The following DZIP1 variants were observed in gnomAD, a reference collection of about 807,000 sequenced individuals.
The protein encoded by DZIP1 is cilium assembly protein DZIP1.
DZIP1 carries 97 observed loss-of-function variants against 107.6 expected under a neutral mutation model. That is an observed-to-expected ratio of 0.90 (90% CI 0.77 to 1.07). The LOEUF (loss-of-function observed/expected upper bound fraction) is 1.07, where lower values mean the gene tolerates loss of function less well. Ranked by LOEUF, DZIP1 falls within the 50% of genes least tolerant of loss-of-function variation. The pLI is 0.00. For missense variants in DZIP1, 1,035 were observed against 1,063.6 expected (o/e 0.97, Z 0.37); for synonymous variants, 390 against 386.4 (o/e 1.01, Z -0.11).
chr13:95,609,831 G>A (rs980747707), intron 12 of DZIP1, among the ~76,000 whole-genome samples: 1 of 152,086 alleles, frequency 6.6e-6, no homozygotes, highest in African/African-American at 2.4e-5. Flanking sequence ...CAAAACAAGA[G>A]GGAGGAAACC....
chr13:95,589,943 G>A lies in DZIP1; in HGVS notation c.1844-11C>T. ...AAACACTGCACTGATCTGGAATATA[G>A]TGTCATTCATGAGTCTCCATTACCT... On this transcript the variant is annotated splice_polypyrimidine_tract_variant and intron_variant, in intron 17 of 22. Transcript: ENST00000376829. 1 of 1,612,102 alleles carries A rather than the reference G, an allele frequency of 6.2e-7. No homozygotes were observed. The highest frequency in any genetic ancestry group is 8.5e-7 in the Non-Finnish European group (1 of 1,179,402).
intron 6 of DZIP1, among the ~76,000 whole-genome samples, chr13:95,631,767 T>C (rs545118244): frequency 6.6e-6 from 1 of 152,298 alleles, no homozygotes; most frequent in African/African-American, 2.4e-5. Context: ...TGAAGCCTCA[T>C]GTCTCTGCTT....
intron 16 of DZIP1, among the ~76,000 whole-genome samples, chr13:95,591,758 C>T (rs143881743): frequency 1.3e-5 from 2 of 152,298 alleles, no homozygotes; most frequent in East Asian, 1.9e-4. Context: ...TAATACTGTA[C>T]AAATGTCAAT....
intron 10 of DZIP1, among the ~76,000 whole-genome samples, chr13:95,616,718 G>A (rs1295851561): frequency 6.6e-6 from 1 of 152,146 alleles, no homozygotes; most frequent in African/African-American, 2.4e-5. Context: ...CCTCAAGGTT[G>A]TACCCCTGGT....
intron 5 of DZIP1, among the ~76,000 whole-genome samples, chr13:95,636,133 A>G (rs1288773294): frequency 1.3e-5 from 2 of 151,870 alleles, no homozygotes; most frequent in African/African-American, 4.8e-5. Context: ...AGTAGCATAC[A>G]TTCTATAAAA....
Position 95,612,017 on chromosome 13 carries a change from C to T in DZIP1, c.1314+20G>A. The T allele has an allele frequency of 6.2e-7, 1 of 1,610,998 alleles. No individual in the cohort carries two copies. Among genetic ancestry groups the T allele is most frequent in the Non-Finnish European group, 8.5e-7 (1 of 1,179,332 alleles). On this transcript the variant is annotated intron_variant, in intron 11 of 22. Coordinates refer to ENST00000376829, the MANE Select transcript of DZIP1 (RefSeq NM_198968.4). Reference sequence around the variant, plus strand: ...TGCGTTGCTTAAAGAAGCACGGTGCCACACTGCCGCCAGACATACCTGCTG... The same window carrying T: ...TGCGTTGCTTAAAGAAGCACGGTGCTACACTGCCGCCAGACATACCTGCTG...
rs771477182 is a variant in DZIP1, at chr13:95,606,012, T to C, written c.1468A>G (p.Met490Val). The change falls in exon 14 of 23, where the codon ATG becomes GTG. Residue 490 changes from methionine (M) to valine (V), a missense_variant. Physicochemically the swap from Met to Val is conservative, Grantham distance 21. Transcript: ENST00000376829. ...HTLETKSSLP[M>V]VHEQAFSSHI... is the part of the protein sequence containing the mutation. Reference sequence around the variant, plus strand: ...TATTACTGAAACTTACCATGCACCATTGGCAGACTTGATTTAGTTTCCAAA... The same window carrying C: ...TATTACTGAAACTTACCATGCACCACTGGCAGACTTGATTTAGTTTCCAAA... The C allele has an allele frequency of 5.6e-6, 9 of 1,614,002 alleles. No individual in the cohort carries two copies. The highest frequency in any genetic ancestry group is 1.6e-4 in the Middle Eastern group (1 of 6,062).
chr13:95,604,538 G>C (rs147631221), intron 14 of DZIP1, among the ~76,000 whole-genome samples: 2 of 152,352 alleles, frequency 1.3e-5, no homozygotes, highest in Non-Finnish European at 2.9e-5. Flanking sequence ...GGGCATGACT[G>C]ATTCATGCAG....
At chr13:95,582,440 C>T in intron 22 of DZIP1, 127 bp from the exon 23 acceptor site, 1 of 787,570 alleles carries the variant, frequency 1.3e-6, no homozygotes. Context: ...TTCATGAATC[C>T]TCATCTCCCA....
In DZIP1 at chr13:95,604,735, A is replaced by C. The variant is rs769893680; in HGVS notation, c.1477+1268T>G. On this transcript the variant is annotated intron_variant, in intron 14 of 22. Transcript: ENST00000376829. ...TGTCATACAGAAAGCTAACAATAACAAAGTGGAGGGGTGGGGAAGTAAAAG... is the reference window on the plus strand; with the variant it reads ...TGTCATACAGAAAGCTAACAATAACCAAGTGGAGGGGTGGGGAAGTAAAAG... Among the ~76,000 whole-genome samples, 367 of 152,326 alleles carry C rather than the reference A, an allele frequency of 2.4e-3. 3 individuals are homozygous for C. Among genetic ancestry groups the C allele is most frequent in the Non-Finnish European group, 2.7e-3 (184 of 68,026 alleles).
rs777381535 is a variant in DZIP1, at chr13:95,587,549, G to C, written c.2208C>G (p.Pro736=). 4 of 1,613,928 alleles carry C rather than the reference G, an allele frequency of 2.5e-6. No individual in the cohort carries two copies. The highest frequency in any genetic ancestry group is 3.4e-6 in the Non-Finnish European group (4 of 1,179,924). Residue 736 remains proline (P), a synonymous_variant, in exon 20 of 23, where the codon CCC becomes CCG. Transcript: ENST00000376829. ...GSEIEDTDDS[P]KPAGVAVKTP... ...AAGGTAACAGCTCACCTGCGGGCTT[G>C]GGAGAATCATCAGTGTCCTCGATTT... is the stretch of plus-strand genomic sequence containing the variant.
chr13:95,599,287 T>C, intron 15 of DZIP1, 78 bp downstream of exon 15: 2 of 1,282,008 alleles, frequency 1.6e-6, no homozygotes, highest in Non-Finnish European at 2.2e-6. Context: ...TAAAAACCAC[T>C]GGCTCATATT....
chr13:95,623,582 A>C (rs1205277580), intron 8 of DZIP1, among the ~76,000 whole-genome samples: 1 of 152,256 alleles, frequency 6.6e-6, no homozygotes, highest in African/African-American at 2.4e-5. Flanking sequence ...ATGACACTGA[A>C]ATGTGAACTT....
chr13:95,609,058 G>A (rs2044887903), intron 13 of DZIP1, among the ~76,000 whole-genome samples: 1 of 152,188 alleles, frequency 6.6e-6, no homozygotes, highest in South Asian at 2.1e-4. Flanking sequence ...ACCACAAGTG[G>A]GGACAGACAG....
At chr13:95,586,767 T>TA (rs1372505919) in intron 20 of DZIP1, among the ~76,000 whole-genome samples, 1 of 152,022 alleles carries the variant, frequency 6.6e-6, no homozygotes, top group Non-Finnish European at 1.5e-5. Context: ...CTGATATGTT[T>TA]AAAATATATA....
intron 11 of DZIP1, 111 bp downstream of exon 11, chr13:95,611,926 T>G (rs2045020405): frequency 7.4e-7 from 1 of 1,342,480 alleles, no homozygotes; most frequent in Non-Finnish European, 9.9e-7. Flanking sequence ...GGAAAAATAT[T>G]CCATCTTCCT....
At chr13:95,632,107 C>T (rs2139382833) in intron 6 of DZIP1, among the ~76,000 whole-genome samples, 1 of 152,254 alleles carries the variant, frequency 6.6e-6, no homozygotes, top group East Asian at 1.9e-4. Context: ...TTCTGAGCTC[C>T]TAGCATTGGG....
Position 95,634,464 on chromosome 13 carries a change from C to T in DZIP1, c.598-1143G>A, listed in dbSNP as rs555329069. Reference sequence around the variant, plus strand: ...AGATTTCTGAGGGCAGGGCCTCTAGCTTTCTCCCCAGAACACAGGCTTAAT... The same window carrying T: ...AGATTTCTGAGGGCAGGGCCTCTAGTTTTCTCCCCAGAACACAGGCTTAAT... On this transcript the variant is annotated intron_variant, in intron 5 of 22. Coordinates refer to ENST00000376829, the MANE Select transcript of DZIP1 (RefSeq NM_198968.4). 2.6e-5 allele frequency among the ~76,000 whole-genome samples: 4 copies of T among 152,326 alleles called. No homozygotes were observed. The East Asian group carries it at 7.7e-4, about 29-fold the overall frequency.
In DZIP1 at chr13:95,579,206, T is replaced by TTCTA. The variant is rs1479130198; in HGVS notation, c.*3024_*3027dup. ...CCTCACTCAGAACTGACGGGCCGAGTTCTATCTAGGTGTGTCTTCCAGAAC... is the reference window on the plus strand; with the variant it reads ...CCTCACTCAGAACTGACGGGCCGAGTTCTATCTATCTAGGTGTGTCTTCCAGAAC... On this transcript the variant is annotated 3_prime_UTR_variant, in exon 23 of 23. Transcript: ENST00000376829. 2 of 152,030 alleles carry TTCTA rather than the reference T, an allele frequency of 1.3e-5. No individual in the cohort carries two copies. The highest frequency in any genetic ancestry group is 2.4e-5 in the African/African-American group (1 of 41,388). The allele number at this position is 152,030 out of a possible 1,614,324, so 9.4% of individuals were successfully genotyped here. A position where few individuals can be genotyped will look rare whatever the true frequency, so the allele number is the denominator to read the frequency against.
Sources: allele counts gnomAD v4.1 joint callset (sites outside exome capture counted in the v4.1 genomes callset), GRCh38; gene constraint gnomAD v4.1.1; transcripts MANE v1.5; gene names NCBI Gene and HGNC (gene_info 2026-07-23, HGNC 2026-07-21).